Variants in PARD3B observed in about 807,000 individuals in gnomAD.
The protein encoded by PARD3B is par-3 family cell polarity regulator beta.
In PARD3B, 103 loss-of-function variants were observed where a neutral mutation model predicts 130.2. The ratio of observed to expected loss-of-function variants is 0.79; its 90% CI spans 0.67 to 0.93. PARD3B has a LOEUF of 0.93. PARD3B is among the 40% of genes least tolerant of loss of function. PARD3B has a pLI of 0.00. For missense variants in PARD3B, 1,609 were observed against 1,499.2 expected (o/e 1.07, Z -1.21); for synonymous variants, 583 against 553.2 (o/e 1.05, Z -0.76).
intron 4 of PARD3B, among the ~76,000 whole-genome samples, chr2:205,088,800 CTT>C (rs34435799): frequency 6.8e-6 from 1 of 146,774 alleles, no homozygotes; most frequent in Non-Finnish European, 1.5e-5. Flanking sequence ...TTATGACTGT[CTT>C]TTTTTTTTTT....
intron 1 of PARD3B, among the ~76,000 whole-genome samples, chr2:204,586,454 A>AC (rs200406749): frequency 2.2e-3 from 328 of 152,328 alleles, no homozygotes; most frequent in South Asian, 0.012. Flanking sequence ...CTACTTAAAC[A>AC]CTAAGAGATT....
At chr2:205,406,058 G>A (rs1183475346) in intron 19 of PARD3B, among the ~76,000 whole-genome samples, 1 of 152,168 alleles carries the variant, frequency 6.6e-6, no homozygotes, top group Non-Finnish European at 1.5e-5. Context: ...CTCACACAGA[G>A]CATGCGGGTA....
intron 3 of PARD3B, among the ~76,000 whole-genome samples, chr2:205,038,215 G>A (rs537536369): frequency 6.6e-6 from 1 of 152,150 alleles, no homozygotes; most frequent in Non-Finnish European, 1.5e-5. Flanking sequence ...AAGAAATTGG[G>A]AGGTTGACGC....
intron 2 of PARD3B, among the ~76,000 whole-genome samples, chr2:204,897,371 A>C: frequency 7.1e-6 from 1 of 141,352 alleles, no homozygotes; most frequent in East Asian, 2.1e-4. Flanking sequence ...AGAACTATTA[A>C]ACCTGTAGGT....
intron 16 of PARD3B, among the ~76,000 whole-genome samples, chr2:205,264,696 C>CA (rs954504579): frequency 2.0e-5 from 3 of 150,758 alleles, no homozygotes; most frequent in African/African-American, 4.9e-5. Flanking sequence ...GATCAACTGA[C>CA]AAAAGTCAGC....
chr2:205,267,596 G>C (rs2040560311), intron 16 of PARD3B, among the ~76,000 whole-genome samples: 1 of 152,144 alleles, frequency 6.6e-6, no homozygotes, highest in Non-Finnish European at 1.5e-5. Context: ...AGCAAGCTCA[G>C]AAGCAGAAAT....
intron 1 of PARD3B, among the ~76,000 whole-genome samples, chr2:204,618,164 A>G (rs1290703923): frequency 6.6e-6 from 1 of 152,068 alleles, no homozygotes; most frequent in African/African-American, 2.4e-5. Flanking sequence ...TTCTTATCTG[A>G]ACTGCTGCTC....
intron 18 of PARD3B, among the ~76,000 whole-genome samples, chr2:205,319,991 C>A (rs2105961087): frequency 6.6e-6 from 1 of 152,036 alleles, no homozygotes; most frequent in South Asian, 2.1e-4. Flanking sequence ...CCAGCCTGGC[C>A]AATATGGTGA....
chr2:205,263,900 T>G lies in PARD3B; in HGVS notation c.2185+18078T>G, dbSNP rs1338847416. ...AGGATAAGCAAAGGCACAAGTAGAC[T>G]ATTTACTAGGTTATTTTAGACAAAG... On this transcript the variant is annotated intron_variant, in intron 16 of 22. Transcript: ENST00000406610. The surrounding 1 kb of genome is among the most constrained non-coding windows in gnomAD (Gnocchi z 4.0). Among the ~76,000 whole-genome samples, 1 of 151,244 alleles carries G rather than the reference T, an allele frequency of 6.6e-6. No homozygotes were observed. Among genetic ancestry groups the G allele is most frequent in the Non-Finnish European group, 1.5e-5 (1 of 67,658 alleles).
At chr2:204,695,902 C>CA (rs993494028) in intron 2 of PARD3B, among the ~76,000 whole-genome samples, 6 of 151,876 alleles carry the variant, frequency 4.0e-5, no homozygotes, top group African/African-American at 1.5e-4. Context: ...TTTTCTGAAA[C>CA]AAAAATTGCA....
intron 16 of PARD3B, among the ~76,000 whole-genome samples, chr2:205,290,055 G>A (rs541653409): frequency 6.6e-6 from 1 of 152,206 alleles, no homozygotes; most frequent in Non-Finnish European, 1.5e-5. Context: ...GCTTGTAATA[G>A]CAATTGCTTT....
intron 3 of PARD3B, among the ~76,000 whole-genome samples, chr2:205,039,788 A>T (rs1030488483): frequency 1.3e-5 from 2 of 152,134 alleles, no homozygotes; most frequent in Non-Finnish European, 2.9e-5. Flanking sequence ...AGTTTAGATG[A>T]AAAGAATTGC....
intron 1 of PARD3B, among the ~76,000 whole-genome samples, chr2:204,566,970 C>A (rs2031712632): frequency 1.3e-5 from 2 of 151,990 alleles, no homozygotes; most frequent in African/African-American, 4.8e-5. Context: ...CCTCCGCCTC[C>A]CAGGTTCAAG....
rs543443940 is a variant in PARD3B, at chr2:205,618,735, T to C, written c.*2922T>C. The stretch of plus-strand genomic sequence containing the variant: ...AAGAGGACAGACCATTGAAAACTTT[T>C]AGATGCAGGAGAATTGAGACTTCCA... On this transcript the variant is annotated 3_prime_UTR_variant, in exon 23 of 23. Coordinates refer to ENST00000406610, the MANE Select transcript of PARD3B (RefSeq NM_001302769.2). The C allele has an allele frequency of 6.6e-6, 1 of 152,290 alleles. No homozygotes were observed. The highest frequency in any genetic ancestry group is 6.5e-5 in the Admixed American group (1 of 15,296). The allele number at this position is 152,290 out of a possible 1,614,324, so 9.4% of individuals were successfully genotyped here. A position where few individuals can be genotyped will look rare whatever the true frequency, so the allele number is the denominator to read the frequency against.
chr2:205,587,736 C>T (rs980698349), intron 22 of PARD3B, among the ~76,000 whole-genome samples: 2 of 152,136 alleles, frequency 1.3e-5, no homozygotes, highest in African/African-American at 2.4e-5. Flanking sequence ...CCCTGACAAA[C>T]GGTGAGAAAA....
intron 10 of PARD3B, among the ~76,000 whole-genome samples, chr2:205,155,872 T>C (rs1434108183): frequency 6.6e-6 from 1 of 152,198 alleles, no homozygotes; most frequent in African/African-American, 2.4e-5. Context: ...TTCATGTCCT[T>C]CGCCCACTTT....
chr2:205,024,862 G>A (rs1387115522), intron 3 of PARD3B, among the ~76,000 whole-genome samples: 3 of 152,066 alleles, frequency 2.0e-5, no homozygotes, highest in South Asian at 4.2e-4. Flanking sequence ...ATGCCCTCTG[G>A]CACTGTAATG....
chr2:205,248,244 C>G (rs1489511148), intron 16 of PARD3B, among the ~76,000 whole-genome samples: 1 of 151,988 alleles, frequency 6.6e-6, no homozygotes, highest in Non-Finnish European at 1.5e-5. Context: ...AGCCTGGCCA[C>G]TCCCCCAATT....
intron 16 of PARD3B, among the ~76,000 whole-genome samples, chr2:205,273,309 A>G (rs2040812901): frequency 6.6e-6 from 1 of 152,130 alleles, no homozygotes; most frequent in Non-Finnish European, 1.5e-5. Context: ...AAACCTGGCT[A>G]TCCATTTCTT....
Sources: allele counts gnomAD v4.1 joint callset (sites outside exome capture counted in the v4.1 genomes callset), GRCh38; gene constraint gnomAD v4.1.1; non-coding constraint Gnocchi (gnomAD v3.1); transcripts MANE v1.5; gene names NCBI Gene and HGNC (gene_info 2026-07-23, HGNC 2026-07-21).